Variants in KCND3 observed in about 807,000 individuals in gnomAD.
KCND3 encodes the protein A-type voltage-gated potassium channel KCND3.
Under a neutral mutation model 51.1 loss-of-function variants are expected in KCND3, and 9 were observed. The observed-to-expected ratio is 0.18, with a 90% CI of 0.11 to 0.31. KCND3 has a LOEUF of 0.31. KCND3 is among the 10% of genes least tolerant of loss of function. KCND3 has a pLI of 1.00. For synonymous variants in KCND3, 349 were observed against 368.0 expected, an observed-to-expected ratio of 0.95 and a Z score of 0.59; for missense variants, 526 against 903.8, an observed-to-expected ratio of 0.58 and a Z score of 5.36.
intron 2 of KCND3, among the ~76,000 whole-genome samples, chr1:111,906,679 C>T (rs1300558308): frequency 6.6e-6 from 1 of 152,170 alleles, no homozygotes; most frequent in Non-Finnish European, 1.5e-5. Context: ...TCAGAGATAT[C>T]CCCTCGATCC....
chr1:111,947,072 G>C (rs1401231023), intron 2 of KCND3, among the ~76,000 whole-genome samples: 1 of 152,032 alleles, frequency 6.6e-6, no homozygotes, highest in Non-Finnish European at 1.5e-5. Flanking sequence ...AAGCCATTCA[G>C]CTACTCTATG....
intron 2 of KCND3, among the ~76,000 whole-genome samples, chr1:111,923,667 T>C (rs1671574793): frequency 1.3e-5 from 2 of 152,228 alleles, no homozygotes; most frequent in African/African-American, 2.4e-5. Context: ...ATTTCTGTAC[T>C]GCCAGCTAAG....
intron 2 of KCND3, among the ~76,000 whole-genome samples, chr1:111,946,753 C>T (rs1230744427): frequency 1.3e-5 from 2 of 152,178 alleles, no homozygotes; most frequent in African/African-American, 2.4e-5. Context: ...CCATATCTTG[C>T]CAGAGCTGGT....
chr1:111,804,259 T>A (rs566726402), intron 2 of KCND3, among the ~76,000 whole-genome samples: 7 of 152,386 alleles, frequency 4.6e-5, no homozygotes, highest in Non-Finnish European at 8.8e-5. Context: ...CCTGGCAGCA[T>A]GCTCTCCTTG....
chr1:111,870,721 G>GAA (rs5777086), intron 2 of KCND3, among the ~76,000 whole-genome samples: 84 of 151,716 alleles, frequency 5.5e-4, no homozygotes, highest in Non-Finnish European at 9.6e-4. Flanking sequence ...CTCAGTGAAA[G>GAA]AAAAAAAAGA....
chr1:111,822,794 T>C (rs924838300), intron 2 of KCND3, among the ~76,000 whole-genome samples: 9 of 152,210 alleles, frequency 5.9e-5, no homozygotes, highest in Non-Finnish European at 1.2e-4. Context: ...GAAACAGTCC[T>C]CTTTTTATAA....
intron 2 of KCND3, among the ~76,000 whole-genome samples, chr1:111,870,590 G>T (rs1668786491): frequency 6.6e-6 from 1 of 152,192 alleles, no homozygotes; most frequent in African/African-American, 2.4e-5. Flanking sequence ...AGGGTGCCTT[G>T]TTAAGAGAGC....
chr1:111,780,417 A>ATT lies in KCND3; in HGVS notation c.1372-105_1372-104dup. The ATT allele has an allele frequency of 1.6e-5, 19 of 1,171,572 alleles. No individual in the cohort carries two copies. Among genetic ancestry groups the ATT allele is most frequent in the South Asian group, 2.6e-5 (2 of 75,560 alleles). 72.6% of individuals were successfully genotyped at this position (1,171,572 alleles called of 1,614,324 possible). ...GGTCAAAGGGCAATAGAATAATCAA[A>ATT]TTTTTTTTTATTTGACCAAATTTCA... On this transcript the variant is annotated intron_variant, in intron 4 of 7. Coordinates refer to ENST00000302127, the MANE Select transcript of KCND3 (RefSeq NM_001378969.1). This position sits in a 1 kb window ranked among gnomAD's most constrained non-coding sequence, Gnocchi z 4.2.
At position 111,906,823 on chromosome 1, in the gene KCND3, G is replaced by C. The variant is rs748985196; in HGVS notation, c.1106+74798C>G. Reference sequence around the variant, plus strand: ...ATCAAGATGGATCCAAAGAAAACTAGGGAAACAGCTGCCCACTGCTTCCCA... The same window carrying C: ...ATCAAGATGGATCCAAAGAAAACTACGGAAACAGCTGCCCACTGCTTCCCA... On this transcript the variant is annotated intron_variant, in intron 2 of 7. Coordinates refer to ENST00000302127, the MANE Select transcript of KCND3 (RefSeq NM_001378969.1). 3.6e-4 allele frequency among the ~76,000 whole-genome samples: 55 copies of C among 152,232 alleles called. No homozygotes were observed. The Middle Eastern group carries it at 0.01, about 28-fold the overall frequency.
intron 2 of KCND3, among the ~76,000 whole-genome samples, chr1:111,836,492 T>C (rs1277949889): frequency 6.6e-6 from 1 of 152,236 alleles, no homozygotes; most frequent in Non-Finnish European, 1.5e-5. Context: ...GTCTGTACTC[T>C]GTTGGACTCT....
chr1:111,865,593 G>A (rs1668521449), intron 2 of KCND3, among the ~76,000 whole-genome samples: 1 of 152,230 alleles, frequency 6.6e-6, no homozygotes, highest in Admixed American at 6.5e-5. Context: ...GTCTCTGAAA[G>A]AGGATCCTTC....
chr1:111,811,993 C>T (rs374118530), intron 2 of KCND3, among the ~76,000 whole-genome samples: 8 of 152,290 alleles, frequency 5.3e-5, no homozygotes, highest in East Asian at 3.9e-4. Flanking sequence ...TGCAGTGCCA[C>T]GCCGGGCACG....
In KCND3 at chr1:111,842,825, G is replaced by A. The variant is rs113073599; in HGVS notation, c.1107-55719C>T. Among the ~76,000 whole-genome samples, 884 of 152,334 alleles carry A rather than the reference G, an allele frequency of 5.8e-3. 14 individuals carry two copies. The highest frequency in any genetic ancestry group is 0.02 in the African/African-American group (839 of 41,572). ...ACCACAAACCCAGGGATTCTTTTCA[G>A]AAAGGAGAAATCCCAGCTCTCCCCA... On this transcript the variant is annotated intron_variant, in intron 2 of 7. Coordinates refer to ENST00000302127, the MANE Select transcript of KCND3 (RefSeq NM_001378969.1).
chr1:111,988,980 G>A, intron 1 of KCND3: 1 of 152,400 alleles, frequency 6.6e-6, no homozygotes, highest in Non-Finnish European at 1.5e-5. Context: ...GGCCGCGACG[G>A]CCCTTGGCGT....
chr1:111,888,306 C>A (rs1669659921), intron 2 of KCND3, among the ~76,000 whole-genome samples: 1 of 152,138 alleles, frequency 6.6e-6, no homozygotes, highest in South Asian at 2.1e-4. Context: ...TGGCAAGAGG[C>A]TGTCAAAAAG....
chr1:111,935,321 G>A (rs1001609553), intron 2 of KCND3, among the ~76,000 whole-genome samples: 4 of 152,122 alleles, frequency 2.6e-5, no homozygotes, highest in Non-Finnish European at 4.4e-5. Context: ...GGAGCTTTCT[G>A]AATTGATTTT....
intron 2 of KCND3, among the ~76,000 whole-genome samples, chr1:111,856,379 C>T (rs530784624): frequency 5.9e-5 from 9 of 152,332 alleles, no homozygotes; most frequent in South Asian, 2.1e-4. Flanking sequence ...CCACACAGGG[C>T]GACTGTGATC....
At chr1:111,858,457 C>A (rs1307403222) in intron 2 of KCND3, among the ~76,000 whole-genome samples, 1 of 152,056 alleles carries the variant, frequency 6.6e-6, no homozygotes, top group Non-Finnish European at 1.5e-5. Context: ...CTTTCATGGT[C>A]CCATTTCTCC....
intron 2 of KCND3, chr1:111,910,875 T>G (rs1670910960): frequency 6.6e-6 from 1 of 152,194 alleles, no homozygotes; most frequent in African/African-American, 2.4e-5. Context: ...AATGAGAGAA[T>G]CCAAATGAGT....
Sources: gnomAD v4.1 joint callset for allele counts (sites outside exome capture counted in the v4.1 genomes callset) on GRCh38, gnomAD v4.1.1 for gene constraint, Gnocchi (gnomAD v3.1) non-coding constraint, MANE v1.5 for transcripts, NCBI Gene and HGNC (gene_info 2026-07-23, HGNC 2026-07-21) for gene names.